FXYD5: variants seen among roughly 807,000 people sequenced by gnomAD.
FXYD5 encodes the protein FXYD domain containing ion transport regulator 5.
A neutral mutation model predicts 25.7 loss-of-function variants in FXYD5; 21 were observed. The ratio of observed to expected loss-of-function variants is 0.82; its 90% CI spans 0.58 to 1.18. The LOEUF (loss-of-function observed/expected upper bound fraction) is 1.18, where lower values mean the gene tolerates loss of function less well. Among genes scored for constraint, FXYD5 ranks in the 50% most tolerant of loss-of-function variants. FXYD5 has a pLI of 0.00. For synonymous variants in FXYD5, 101 were observed against 90.7 expected (o/e 1.11, Z -0.64); for missense variants, 229 against 227.7 (o/e 1.01, Z -0.04).
At chr19:35,156,116 G>A (rs530440848) in intron 2 of FXYD5, among the ~76,000 whole-genome samples, 16 of 152,152 alleles carry the variant, frequency 1.1e-4, no homozygotes, top group Non-Finnish European at 2.4e-4. Context: ...GGTCAGTTAG[G>A]CTTTGCCTCT....
intron 5 of FXYD5, 92 bp downstream of exon 5, chr19:35,160,893 T>A (rs1315854765): frequency 1.3e-6 from 1 of 791,452 alleles, no homozygotes; most frequent in Non-Finnish European, 2.2e-6. Flanking sequence ...TCAGTGCCCC[T>A]GTTTGGGGAA....
At chr19:35,166,405 C>A in intron 8 of FXYD5, 80 bp downstream of exon 8, 1 of 905,404 alleles carries the variant, frequency 1.1e-6, no homozygotes, top group Non-Finnish European at 1.7e-6. Flanking sequence ...TCAAAGGTCC[C>A]TGGGCAATTT....
At chr19:35,168,718 A>T (rs1224947308) in intron 8 of FXYD5, among the ~76,000 whole-genome samples, 1 of 152,040 alleles carries the variant, frequency 6.6e-6, no homozygotes, top group African/African-American at 2.4e-5. Flanking sequence ...CTCTGCCTGT[A>T]ACACCCTTCC....
intron 1 of FXYD5, chr19:35,155,248 G>A: frequency 2.1e-6 from 1 of 476,680 alleles, no homozygotes; most frequent in Non-Finnish European, 3.8e-6. Flanking sequence ...GGCGGAAGGC[G>A]CAGGGAGGTG....
chr19:35,161,709 G>A (rs2065407741), intron 5 of FXYD5, among the ~76,000 whole-genome samples: 1 of 152,188 alleles, frequency 6.6e-6, no homozygotes, highest in African/African-American at 2.4e-5. Context: ...GAAGGTGTGG[G>A]AAAGGAGACT....
At chr19:35,155,445 A>T in intron 1 of FXYD5, 106 bp from the exon 2 acceptor site, 2 of 915,414 alleles carry the variant, frequency 2.2e-6, no homozygotes, top group Non-Finnish European at 3.6e-6. Flanking sequence ...CTTGGAAGCC[A>T]GAGGTTTTTG....
At chr19:35,168,312 A>G (rs1269038924) in intron 8 of FXYD5, among the ~76,000 whole-genome samples, 1 of 152,172 alleles carries the variant, frequency 6.6e-6, no homozygotes, top group Non-Finnish European at 1.5e-5. Flanking sequence ...GAATGAGTGG[A>G]TACAGAGAAA....
Position 35,158,376 on chromosome 19 carries a change from C to G in FXYD5, c.175C>G (p.Pro59Ala), listed in dbSNP as rs1277377614. The G allele has an allele frequency of 1.2e-6, 2 of 1,606,890 alleles. No homozygotes were observed. The highest frequency in any genetic ancestry group is 1.7e-6 in the Non-Finnish European group (2 of 1,173,538). Residue 59 changes from proline (P) to alanine (A), a missense_variant, in exon 4 of 9, where the codon CCA becomes GCA. Pro to Ala is a conservative substitution (Grantham distance 27, BLOSUM62 -1). Coordinates refer to ENST00000392219, the MANE Select transcript of FXYD5 (RefSeq NM_014164.6). ...AVYTELQPTS[P>A]TPTWPADETP... ...CTACACAGAACTCCAGCCCACCTCT[C>G]CAACCCCAACCTGGCCTGCTGATGG...
At chr19:35,160,865 T>A (rs777954695) in intron 5 of FXYD5, 64 bp downstream of exon 5, 1 of 963,708 alleles carries the variant, frequency 1.0e-6, no homozygotes, top group Non-Finnish European at 1.7e-6. Flanking sequence ...TAGGTCAACA[T>A]TTCCCTCAGT....
chr19:35,167,486 AG>A (rs2065461196), intron 8 of FXYD5, among the ~76,000 whole-genome samples: 1 of 152,198 alleles, frequency 6.6e-6, no homozygotes, highest in Admixed American at 6.5e-5. Flanking sequence ...ATGCTTAACC[AG>A]AGGGCAAGGG....
intron 2 of FXYD5, among the ~76,000 whole-genome samples, 197 bp from the exon 3 acceptor site, chr19:35,157,224 G>A (rs998632930): frequency 6.6e-6 from 1 of 152,150 alleles, no homozygotes; most frequent in African/African-American, 2.4e-5. Flanking sequence ...GGGATGGGCG[G>A]GGAGGGGGAC....
intron 2 of FXYD5, 85 bp downstream of exon 2, chr19:35,155,696 C>T (rs1057022719): frequency 9.1e-6 from 9 of 983,718 alleles, no homozygotes; most frequent in African/African-American, 3.2e-5. Context: ...GTGGTTGGCC[C>T]GTGTGAACGT....
chr19:35,168,367 G>A (rs2065469159), intron 8 of FXYD5, among the ~76,000 whole-genome samples: 1 of 152,138 alleles, frequency 6.6e-6, no homozygotes, highest in Non-Finnish European at 1.5e-5. Context: ...AGAGGGGTGG[G>A]GAGAGAAGCC....
intron 2 of FXYD5, among the ~76,000 whole-genome samples, chr19:35,156,597 T>C (rs1258498642): frequency 6.6e-6 from 1 of 152,056 alleles, no homozygotes; most frequent in East Asian, 1.9e-4. Flanking sequence ...GCTTTGCAGG[T>C]GTCTGGGGGC....
chr19:35,155,163 G>A (rs1464370839), intron 1 of FXYD5: 3 of 224,604 alleles, frequency 1.3e-5, no homozygotes, highest in Non-Finnish European at 2.6e-5. Flanking sequence ...GCCCCTGGGG[G>A]AGGGAAGAGG....
intron 8 of FXYD5, among the ~76,000 whole-genome samples, chr19:35,168,083 A>T (rs2065466542): frequency 1.3e-5 from 2 of 152,116 alleles, no homozygotes; most frequent in Admixed American, 1.3e-4. Flanking sequence ...CTTAAAAAAA[A>T]AAAAGAATCA....
intron 2 of FXYD5, 62 bp downstream of exon 2, chr19:35,155,673 TGC>T: frequency 8.3e-7 from 1 of 1,208,842 alleles, no homozygotes; most frequent in Non-Finnish European, 1.2e-6. Flanking sequence ...GCCCCACGTG[TGC>T]TGCGGGGTGG....
At chr19:35,164,697 A>C (rs1342868702) in intron 6 of FXYD5, among the ~76,000 whole-genome samples, 3 of 152,190 alleles carry the variant, frequency 2.0e-5, no homozygotes, top group Non-Finnish European at 4.4e-5. Context: ...TGATACGCCC[A>C]TGGGTCACAT....
At chr19:35,164,714 C>T in intron 6 of FXYD5, among the ~76,000 whole-genome samples, 1 of 152,142 alleles carries the variant, frequency 6.6e-6, no homozygotes, top group East Asian at 1.9e-4. Context: ...ACATAGAGAG[C>T]CCATTCATCC....
Sources: gnomAD v4.1 joint callset for allele counts (sites outside exome capture counted in the v4.1 genomes callset) on GRCh38, gnomAD v4.1.1 for gene constraint, MANE v1.5 for transcripts, NCBI Gene and HGNC (gene_info 2026-07-23, HGNC 2026-07-21) for gene names.